The following SPIRE2 variants were observed in gnomAD, a reference collection of about 807,000 sequenced individuals.
The protein encoded by SPIRE2 is protein spire homolog 2.
Under a neutral mutation model 80.7 loss-of-function variants are expected in SPIRE2, and 76 were observed. That is an observed-to-expected ratio of 0.94 (90% CI 0.78 to 1.14). SPIRE2 has a LOEUF of 1.14. Among genes scored for constraint, SPIRE2 ranks in the 50% most tolerant of loss-of-function variants. SPIRE2 has a pLI of 0.00. For missense variants in SPIRE2, 1,196 were observed against 1,015.3 expected (o/e 1.18, Z -2.42); for synonymous variants, 535 against 432.6 (o/e 1.24, Z -2.94).
At chr16:89,845,247 G>T in intron 1 of SPIRE2, 75 bp from the exon 2 acceptor site, 1 of 1,318,354 alleles carries the variant, frequency 7.6e-7, no homozygotes, top group South Asian at 1.2e-5. Flanking sequence ...CCCCGAGGGG[G>T]AGGTGGGGGG....
intron 1 of SPIRE2, among the ~76,000 whole-genome samples, chr16:89,840,318 C>T (rs573015292): frequency 2.0e-5 from 3 of 148,016 alleles, no homozygotes; most frequent in East Asian, 2.0e-4. Context: ...GGCGCGATCT[C>T]GGCTCACTGC....
intron 1 of SPIRE2, among the ~76,000 whole-genome samples, chr16:89,835,141 C>G (rs530306053): frequency 2.7e-5 from 4 of 149,750 alleles, no homozygotes; most frequent in African/African-American, 9.9e-5. Flanking sequence ...TGAACCTGCC[C>G]GCACTCACGG....
chr16:89,841,206 G>A (rs1392722299), intron 1 of SPIRE2, among the ~76,000 whole-genome samples: 1 of 150,498 alleles, frequency 6.6e-6, no homozygotes, highest in Non-Finnish European at 1.5e-5. Context: ...AAAGGAAAAA[G>A]AAACTCAGGT....
chr16:89,858,547 G>A (rs760977335), intron 8 of SPIRE2, 40 bp downstream of exon 8: 18 of 1,495,608 alleles, frequency 1.2e-5, no homozygotes, highest in Non-Finnish European at 1.6e-5. Context: ...GACCAGGAAT[G>A]GGAGGATGGG....
Position 89,850,383 on chromosome 16 carries a change from C to T in SPIRE2, c.368C>T (p.Pro123Leu), listed in dbSNP as rs769360402. The change falls in exon 3 of 15, where the codon CCT (proline) becomes CTT (leucine). Residue 123 changes from proline to leucine, a missense_variant. Pro to Leu is a moderately conservative substitution (Grantham distance 98, BLOSUM62 -3). Coordinates refer to ENST00000378247, the MANE Select transcript of SPIRE2 (RefSeq NM_032451.2). ...GAGAGCGAGGAGCGCGAACTCAGCC[C>T]TCAGCTGGAGCGGCTCATCGACCTC... The part of the protein sequence containing the change: ...LDESEERELS[P>L]QLERLIDLMA... 16 of 1,599,420 alleles carry T rather than the reference C, an allele frequency of 1.0e-5. No homozygotes were observed. In the East Asian group the frequency reaches 3.4e-4, roughly 34 times the overall value.
rs2041611779 is a variant in SPIRE2 at position 89,850,413 on chromosome 16, CCAA to C, written c.403_405del (p.Asn135del). 2 of 1,592,708 alleles carry C rather than the reference CCAA, an allele frequency of 1.3e-6. No homozygotes were observed. Among genetic ancestry groups the C allele is most frequent in the Non-Finnish European group, 1.7e-6 (2 of 1,171,088 alleles). ...CTGGAGCGGCTCATCGACCTCATGGCCAACAACGACAGCGAGGACAGCGGCTGC... is the reference window on the plus strand; with the variant it reads ...CTGGAGCGGCTCATCGACCTCATGGCCAACGACAGCGAGGACAGCGGCTGC... On this transcript the variant is annotated inframe_deletion, in exon 3 of 15. Transcript: ENST00000378247.
At chr16:89,869,539 G>C (rs778053814) in intron 13 of SPIRE2, 28 bp from the exon 14 acceptor site, 29 of 1,509,060 alleles carry the variant, frequency 1.9e-5, no homozygotes, top group Non-Finnish European at 2.5e-5. Flanking sequence ...GTGGTGCCTG[G>C]TTCATACCTC....
chr16:89,834,659 T>G (rs2041425797), intron 1 of SPIRE2, among the ~76,000 whole-genome samples: 2 of 108,962 alleles, frequency 1.8e-5, no homozygotes, highest in African/African-American at 3.2e-5. Flanking sequence ...GCATAGCCCG[T>G]GTGAATCTGT....
intron 2 of SPIRE2, among the ~76,000 whole-genome samples, chr16:89,848,855 G>A (rs1002155828): frequency 6.7e-6 from 1 of 150,012 alleles, no homozygotes; most frequent in Non-Finnish European, 1.5e-5. Context: ...CAGGTCAGAC[G>A]AGGCAGGTTC....
intron 1 of SPIRE2, among the ~76,000 whole-genome samples, chr16:89,841,843 G>C (rs535918641): frequency 6.6e-6 from 1 of 151,782 alleles, no homozygotes; most frequent in African/African-American, 2.4e-5. Context: ...GATTACAGGC[G>C]TGTTCCTCCC....
In SPIRE2 at chr16:89,847,886, C is replaced by T. The variant is rs188224941; in HGVS notation, c.289-2418C>T. On this transcript the variant is annotated intron_variant, in intron 2 of 14. Transcript: ENST00000378247. ...TAAGAGGCTCGGGTTGGAGTTAACC[C>T]TTTCAGTAATGTGATCAGGAAAAGC... Among the ~76,000 whole-genome samples, 199 of 152,292 alleles carry T rather than the reference C, an allele frequency of 1.3e-3. 1 individual carries two copies. The highest frequency in any genetic ancestry group is 0.011 in the Admixed American group (173 of 15,296).
chr16:89,856,055 C>T (rs1339761904), intron 6 of SPIRE2, 58 bp from the exon 7 acceptor site: 1 of 1,590,234 alleles, frequency 6.3e-7, no homozygotes, highest in Non-Finnish European at 8.6e-7. Context: ...CACCGCAGGT[C>T]CCGCTTCCCC....
At chr16:89,854,217 C>G in intron 3 of SPIRE2, 69 bp from the exon 4 acceptor site, 2 of 1,444,434 alleles carry the variant, frequency 1.4e-6, no homozygotes, top group South Asian at 2.4e-5. Flanking sequence ...GTGTCCCTGA[C>G]GGACGGGGCC....
At chr16:89,858,115 G>T (rs1168414480) in intron 7 of SPIRE2, among the ~76,000 whole-genome samples, 1 of 149,442 alleles carries the variant, frequency 6.7e-6, no homozygotes, top group African/African-American at 2.5e-5. Flanking sequence ...TCGATCTCCT[G>T]ACCTCGTGAT....
Position 89,858,528 on chromosome 16 carries a change from C to A in SPIRE2, c.1272+21C>A, listed in dbSNP as rs374309923. The A allele has an allele frequency of 6.4e-5, 98 of 1,532,682 alleles. No individual in the cohort carries two copies. The African/African-American group carries it at 1.3e-3, about 20-fold the overall frequency. The allele number at this position is 1,532,682 out of a possible 1,614,324, so 94.9% of individuals were successfully genotyped here. ...CTGAGGTCAGAACCCATGGGGATTCCTGAAAAGAGACCAGGAATGGGAGGA... is the reference window on the plus strand; with the variant it reads ...CTGAGGTCAGAACCCATGGGGATTCATGAAAAGAGACCAGGAATGGGAGGA... On this transcript the variant is annotated intron_variant, in intron 8 of 14. Transcript: ENST00000378247.
At chr16:89,847,220 T>C (rs978567050) in intron 2 of SPIRE2, 8 of 152,226 alleles carry the variant, frequency 5.3e-5, no homozygotes, top group African/African-American at 1.9e-4. Context: ...CGGGGATGTT[T>C]AGACTGCATG....
chr16:89,861,520 C>T (rs2041744511), intron 10 of SPIRE2, among the ~76,000 whole-genome samples: 1 of 152,232 alleles, frequency 6.6e-6, no homozygotes, highest in Non-Finnish European at 1.5e-5. Flanking sequence ...GAAGGCAGGG[C>T]TTGCCCCGTT....
rs1367543600 is a variant in SPIRE2 at position 89,850,461 on chromosome 16, A to C, written c.446A>C (p.Tyr149Ser). ...DSGCGAADEG[Y>S]GGPEEEEEAE... Reference sequence around the variant, plus strand: ...GGCTGCGGTGCCGCCGATGAGGGCTACGGGGGTCCCGAGGAGGAGGAGGAG... The same window carrying C: ...GGCTGCGGTGCCGCCGATGAGGGCTCCGGGGGTCCCGAGGAGGAGGAGGAG... Residue 149 changes from tyrosine (Y) to serine (S), a missense_variant, in exon 3 of 15, where the codon TAC (tyrosine) becomes TCC (serine). Coordinates refer to ENST00000378247, the MANE Select transcript of SPIRE2 (RefSeq NM_032451.2). 1 of 1,560,798 alleles carries C rather than the reference A, an allele frequency of 6.4e-7. No homozygotes were observed. Among genetic ancestry groups the C allele is most frequent in the Non-Finnish European group, 8.7e-7 (1 of 1,155,012 alleles).
intron 1 of SPIRE2, among the ~76,000 whole-genome samples, chr16:89,839,264 C>T (rs1442175453): frequency 1.3e-5 from 2 of 151,554 alleles, no homozygotes; most frequent in Non-Finnish European, 2.9e-5. Context: ...GTCCCATCTA[C>T]TTAGGAGGCT....
Sources: allele counts gnomAD v4.1 joint callset (sites outside exome capture counted in the v4.1 genomes callset), GRCh38; gene constraint gnomAD v4.1.1; transcripts MANE v1.5; gene names NCBI Gene and HGNC (gene_info 2026-07-23, HGNC 2026-07-21).